The following MAD1L1 variants were observed in gnomAD, a reference collection of about 807,000 sequenced individuals.
MAD1L1 encodes the protein mitotic spindle assembly checkpoint protein MAD1.
In MAD1L1, 95 loss-of-function variants were observed where a neutral mutation model predicts 96.9. That is an observed-to-expected ratio of 0.98 (90% CI 0.83 to 1.16). The LOEUF (loss-of-function observed/expected upper bound fraction) is 1.16, where lower values mean the gene tolerates loss of function less well. Ranked by LOEUF, MAD1L1 falls within the 50% of genes most tolerant of loss-of-function variation. The pLI is 0.00. For missense variants in MAD1L1, 1,007 were observed against 954.4 expected (o/e 1.06, Z -0.73); for synonymous variants, 473 against 396.6 (o/e 1.19, Z -2.29).
chr7:1,957,616 G>GC lies in MAD1L1; in HGVS notation c.1596+12dup, dbSNP rs1779782028. 5 of 1,613,258 alleles carry GC rather than the reference G, an allele frequency of 3.1e-6. No individual in the cohort carries two copies. The highest frequency in any genetic ancestry group is 4.2e-6 in the Non-Finnish European group (5 of 1,179,784). ...CCAGGCAGTGCCTCACCCAGAGGCT[G>GC]CCCCGCCCTCACCTGCAGAGCTCGC... is the stretch of plus-strand genomic sequence containing the variant. On this transcript the variant is annotated intron_variant, in intron 16 of 18. Transcript: ENST00000265854.
At chr7:2,132,453 C>T (rs890832221) in intron 11 of MAD1L1, among the ~76,000 whole-genome samples, 4 of 151,650 alleles carry the variant, frequency 2.6e-5, no homozygotes, top group Non-Finnish European at 4.4e-5. Flanking sequence ...ATCACGGCCG[C>T]GTGCAGTCGG....
At chr7:1,903,718 G>C (rs1387964378) in intron 17 of MAD1L1, among the ~76,000 whole-genome samples, 1 of 144,700 alleles carries the variant, frequency 6.9e-6, no homozygotes, top group Non-Finnish European at 1.5e-5. Context: ...CACTGCTCCA[G>C]GCAGCAAGGA....
Position 1,989,728 on chromosome 7 carries a change from T to A in MAD1L1, c.1417-9187A>T, listed in dbSNP as rs555039749. On this transcript the variant is annotated intron_variant, in intron 14 of 18. Transcript: ENST00000265854. ...CAGCATGGATCAGCCTCAGCACAGG[T>A]TGGCTTCAGCATGGATCAGCCCCAG... Among the ~76,000 whole-genome samples, 10 of 152,224 alleles carry A rather than the reference T, an allele frequency of 6.6e-5. No individual in the cohort carries two copies. The East Asian group carries it at 1.7e-3, about 26-fold the overall frequency.
chr7:1,821,450 C>T (rs1283514616), intron 18 of MAD1L1, among the ~76,000 whole-genome samples: 1 of 152,056 alleles, frequency 6.6e-6, no homozygotes, highest in Non-Finnish European at 1.5e-5. Context: ...CACTATGAAC[C>T]CTGTACTGAA....
rs544393894 is a variant in MAD1L1, at chr7:2,070,729, G to A, written c.1074-1391C>T. Among the ~76,000 whole-genome samples the A allele has an allele frequency of 2.0e-5, 3 of 152,346 alleles. No individual in the cohort carries two copies. In the South Asian group the frequency reaches 6.2e-4, roughly 32 times the overall value. Reference sequence around the variant, plus strand: ...ACTGGGATAGAGAAAAGCTAACAGGGACCACAGCCCTGTGAGGCAACCATC... The same window carrying A: ...ACTGGGATAGAGAAAAGCTAACAGGAACCACAGCCCTGTGAGGCAACCATC... On this transcript the variant is annotated intron_variant, in intron 11 of 18. Coordinates refer to ENST00000265854, the MANE Select transcript of MAD1L1 (RefSeq NM_001013836.2).
intron 10 of MAD1L1, among the ~76,000 whole-genome samples, chr7:2,157,824 G>A (rs2128586125): frequency 6.6e-6 from 1 of 152,326 alleles, no homozygotes; most frequent in Non-Finnish European, 1.5e-5. Context: ...GAAGCCTCCT[G>A]ACCTGTGTGT....
chr7:2,121,102 T>A (rs944097020), intron 11 of MAD1L1, among the ~76,000 whole-genome samples: 4 of 152,192 alleles, frequency 2.6e-5, no homozygotes, highest in Admixed American at 6.5e-5. Flanking sequence ...CGGCGCAGGC[T>A]CCCAGGGCAG....
chr7:2,039,040 G>C (rs568449784), intron 12 of MAD1L1, among the ~76,000 whole-genome samples: 2 of 152,266 alleles, frequency 1.3e-5, no homozygotes, highest in South Asian at 2.1e-4. Flanking sequence ...TTCCTCCTGT[G>C]CGTCTCCGTA....
intron 11 of MAD1L1, among the ~76,000 whole-genome samples, chr7:2,141,383 G>A (rs982571743): frequency 6.6e-6 from 1 of 152,208 alleles, no homozygotes; most frequent in Non-Finnish European, 1.5e-5. Context: ...GATGGGGCTC[G>A]ATCTCAGGCC....
chr7:2,040,481 GCAGTTCCTATCGGTCC>G (rs1267849772), intron 12 of MAD1L1, among the ~76,000 whole-genome samples: 3 of 152,204 alleles, frequency 2.0e-5, no homozygotes, highest in Non-Finnish European at 2.9e-5. Context: ...GGGCAGATGG[GCAGTTCCTATCGGTCC>G]ATCTCTGAGT....
At chr7:2,020,056 G>A (rs978767237) in intron 12 of MAD1L1, among the ~76,000 whole-genome samples, 1 of 152,246 alleles carries the variant, frequency 6.6e-6, no homozygotes, top group Admixed American at 6.5e-5. Context: ...CAGGGCTGAG[G>A]GAAGAGGACT....
chr7:2,033,466 C>T (rs991947258), intron 12 of MAD1L1, among the ~76,000 whole-genome samples: 3 of 152,214 alleles, frequency 2.0e-5, no homozygotes, highest in African/African-American at 7.2e-5. Flanking sequence ...GGTCCCAAAA[C>T]GCCACTTAAA....
At position 1,992,177 on chromosome 7, in the gene MAD1L1, G is replaced by A. The variant is rs1188529703; in HGVS notation, c.1416+9888C>T. Among the ~76,000 whole-genome samples the A allele has an allele frequency of 4.7e-5, 7 of 149,644 alleles. 1 individual carries two copies. The highest frequency in any genetic ancestry group is 1.5e-4 in the African/African-American group (6 of 40,672). ...ACCAGAGCGCCACTGCTGGCCTCAT[G>A]AGCACCGCTGGGTGCCTGAGCACCT... On this transcript the variant is annotated intron_variant, in intron 14 of 18. Coordinates refer to ENST00000265854, the MANE Select transcript of MAD1L1 (RefSeq NM_001013836.2).
chr7:1,910,967 C>T (rs1420909253), intron 17 of MAD1L1, among the ~76,000 whole-genome samples: 2 of 152,324 alleles, frequency 1.3e-5, no homozygotes, highest in South Asian at 4.1e-4. Context: ...ATCCCGTGAC[C>T]GGAGGCCCTG....
intron 15 of MAD1L1, among the ~76,000 whole-genome samples, chr7:1,965,386 C>T (rs1175801176): frequency 6.6e-6 from 1 of 152,236 alleles, no homozygotes; most frequent in African/African-American, 2.4e-5. Flanking sequence ...GACAGGGCTA[C>T]AATGCCTGGA....
At chr7:1,952,741 T>G (rs751127940) in intron 16 of MAD1L1, among the ~76,000 whole-genome samples, 4 of 152,176 alleles carry the variant, frequency 2.6e-5, no homozygotes, top group African/African-American at 9.7e-5. Context: ...AGAGGAGCAC[T>G]TCCCGAGGCC....
At chr7:2,046,358 G>C (rs1303886928) in intron 12 of MAD1L1, among the ~76,000 whole-genome samples, 1 of 152,154 alleles carries the variant, frequency 6.6e-6, no homozygotes, top group Admixed American at 6.5e-5. Flanking sequence ...GGGCCGTCCA[G>C]CGAGCTAGGA....
At chr7:1,893,754 T>C (rs888233676) in intron 18 of MAD1L1, among the ~76,000 whole-genome samples, 4 of 152,178 alleles carry the variant, frequency 2.6e-5, no homozygotes, top group Non-Finnish European at 4.4e-5. Context: ...ATGGGGAAAC[T>C]GAGTCTCACA....
chr7:1,828,506 G>A (rs867713973), intron 18 of MAD1L1, among the ~76,000 whole-genome samples: 2 of 152,208 alleles, frequency 1.3e-5, no homozygotes, highest in Admixed American at 6.5e-5. Flanking sequence ...GCAGCCTCGC[G>A]GGAAAGCCTG....
Sources: allele counts gnomAD v4.1 joint callset (sites outside exome capture counted in the v4.1 genomes callset), GRCh38; gene constraint gnomAD v4.1.1; transcripts MANE v1.5; gene names NCBI Gene and HGNC (gene_info 2026-07-23, HGNC 2026-07-21).